BTN2A1: variants seen among roughly 807,000 people sequenced by gnomAD.
The protein encoded by BTN2A1 is butyrophilin, subfamily 2, member A1.
In BTN2A1, 41 loss-of-function variants were observed where a neutral mutation model predicts 34.5. That is an observed-to-expected ratio of 1.19 (90% CI 0.93 to 1.54). The LOEUF is 1.54. Ranked by LOEUF, BTN2A1 falls within the 40% of genes most tolerant of loss-of-function variation. The pLI, the probability that BTN2A1 is intolerant of heterozygous loss-of-function variation, is 0.00. For synonymous variants in BTN2A1, 267 were observed against 258.6 expected (o/e 1.03, Z -0.31); for missense variants, 642 against 662.0 (o/e 0.97, Z 0.33).
chr6:26,474,024 C>T (rs2113872311), downstream of BTN2A1, among the ~76,000 whole-genome samples: 1 of 152,286 alleles, frequency 6.6e-6, no homozygotes, highest in South Asian at 2.1e-4. Context: ...TTCCTTTATT[C>T]TGGATCAGAG....
Position 26,468,885 on chromosome 6 carries a change from T to G in BTN2A1, c.*336T>G. ...CAGGGTGACCACATTAAGCCCAGTA[T>G]TCCAGTTGGCACCAGAAGATATGGA... On this transcript the variant is annotated 3_prime_UTR_variant, in exon 8 of 8. Coordinates refer to ENST00000312541, the MANE Select transcript of BTN2A1 (RefSeq NM_007049.5). 2 of 1,373,394 alleles carry G rather than the reference T, an allele frequency of 1.5e-6. No individual in the cohort carries two copies. The highest frequency in any genetic ancestry group is 1.9e-6 in the Non-Finnish European group (2 of 1,044,184). 85.1% of individuals were successfully genotyped at this position (1,373,394 alleles called of 1,614,324 possible).
Position 26,468,258 on chromosome 6 carries a change from C to A in BTN2A1, c.1293C>A (p.Tyr431Ter), listed in dbSNP as rs748215931. 9.9e-6 allele frequency: 16 copies of A among 1,614,218 alleles called. No homozygotes were observed. Among genetic ancestry groups the A allele is most frequent in the Non-Finnish European group, 1.3e-5 (15 of 1,180,040 alleles). The change falls in exon 8 of 8, where the codon TAC becomes TAA. Residue 431 changes from tyrosine to a stop codon, truncating the protein, a stop_gained. Transcript: ENST00000312541. LOFTEE classifies it low-confidence loss of function (END_TRUNC). The stretch of plus-strand genomic sequence containing the variant: ...CCTTGGAGATGCATAAAGGGCAATA[C>A]CGGGCCGTGTCCTCCCCTGATAGGA... ...FWTLEMHKGQYRAVSSPDRIL... is the reference protein window; with the variant it reads ...FWTLEMHKGQ
intron 2 of BTN2A1, 51 bp downstream of exon 2, chr6:26,458,769 C>T (rs1238455768): frequency 6.3e-7 from 1 of 1,592,348 alleles, no homozygotes; most frequent in African/African-American, 1.3e-5. Flanking sequence ...GGAACATCAA[C>T]CCTGTAGTCT....
chr6:26,475,389 T>G (rs1376543280), intron 7 of BTN2A1, among the ~76,000 whole-genome samples: 1 of 152,184 alleles, frequency 6.6e-6, no homozygotes, highest in African/African-American at 2.4e-5. Flanking sequence ...CTTAATCACC[T>G]TAACAGCAAA....
In BTN2A1 at chr6:26,459,775, A is replaced by G. The variant is rs1763111814; in HGVS notation, c.377A>G (p.Tyr126Cys). The change falls in exon 3 of 8, where the codon TAC (tyrosine) becomes TGC (cysteine). Residue 126 changes from tyrosine to cysteine, a missense_variant. By Grantham distance (194) the Tyr-to-Cys change is radical. Transcript: ENST00000312541. ...CAGGAAAACGGCACCTACCGCTGTTACTTCCAAGAAGGCAGGTCCTACGAT... is the reference window on the plus strand; with the variant it reads ...CAGGAAAACGGCACCTACCGCTGTTGCTTCCAAGAAGGCAGGTCCTACGAT... ...TAQENGTYRCYFQEGRSYDEA... is the reference protein window; with the variant it reads ...TAQENGTYRCCFQEGRSYDEA... 6 of 1,614,050 alleles carry G rather than the reference A, an allele frequency of 3.7e-6. No individual in the cohort carries two copies. The South Asian group carries it at 4.4e-5, about 12-fold the overall frequency.
chr6:26,476,259 G>A, exon 8 of BTN2A1: 1 of 1,310,006 alleles, frequency 7.6e-7, no homozygotes, highest in Non-Finnish European at 1.1e-6. Flanking sequence ...ACTCCAAGTT[G>A]GAAAGAACTG....
chr6:26,465,659 T>C (rs535585745), intron 5 of BTN2A1, among the ~76,000 whole-genome samples: 1 of 152,256 alleles, frequency 6.6e-6, no homozygotes, highest in East Asian at 1.9e-4. Context: ...CTTGGAACTC[T>C]CATGTCCTTG....
Position 26,466,101 on chromosome 6 carries a change from G to C in BTN2A1, c.982+13G>C. ...TTCTTACATGCTGGTGAGTGCCTCTGATGTTCCCTCAGATCTCAGCTTTCT... is the reference window on the plus strand; with the variant it reads ...TTCTTACATGCTGGTGAGTGCCTCTCATGTTCCCTCAGATCTCAGCTTTCT... On this transcript the variant is annotated intron_variant, in intron 7 of 7. Coordinates refer to ENST00000312541, the MANE Select transcript of BTN2A1 (RefSeq NM_007049.5). 6.2e-7 allele frequency: 1 copy of C among 1,613,374 alleles called. No homozygotes were observed. The highest frequency in any genetic ancestry group is 8.5e-7 in the Non-Finnish European group (1 of 1,180,022).
intron 1 of BTN2A1, among the ~76,000 whole-genome samples, chr6:26,458,352 A>C (rs115937171): frequency 6.6e-5 from 10 of 152,302 alleles, no homozygotes; most frequent in Admixed American, 1.3e-4. Context: ...ATCCAGCGAC[A>C]ACTGAAGAAA....
intron 7 of BTN2A1, among the ~76,000 whole-genome samples, chr6:26,466,445 T>G (rs1763320048): frequency 6.6e-6 from 1 of 152,222 alleles, no homozygotes; most frequent in Non-Finnish European, 1.5e-5. Flanking sequence ...TCTTAGCAGC[T>G]TATATCCTGG....
downstream of BTN2A1, among the ~76,000 whole-genome samples, chr6:26,473,059 C>A (rs1017299240): frequency 1.3e-5 from 2 of 152,146 alleles, no homozygotes; most frequent in African/African-American, 4.8e-5. Flanking sequence ...GAAAGTGCAC[C>A]AAACAGGAAG....
chr6:26,471,763 T>C (rs1333459438), downstream of BTN2A1, among the ~76,000 whole-genome samples: 4 of 152,174 alleles, frequency 2.6e-5, no homozygotes, highest in Admixed American at 1.3e-4. Flanking sequence ...ACGGGAGTGG[T>C]ACAGAACCAA....
chr6:26,468,660 G>C lies in BTN2A1; in HGVS notation c.*111G>C. 6.2e-7 allele frequency: 1 copy of C among 1,613,726 alleles called. No individual in the cohort carries two copies. Among genetic ancestry groups the C allele is most frequent in the East Asian group, 2.2e-5 (1 of 44,884 alleles). On this transcript the variant is annotated 3_prime_UTR_variant, in exon 8 of 8. Coordinates refer to ENST00000312541, the MANE Select transcript of BTN2A1 (RefSeq NM_007049.5). ...CCTCCTCCCCTCTGGTCACACAAGA[G>C]AACATCTTCCAGCTGCCTCTTTCAC...
chr6:26,476,135 C>T (rs1473664058), exon 8 of BTN2A1: 1 of 1,536,096 alleles, frequency 6.5e-7, no homozygotes, highest in Non-Finnish European at 8.7e-7. Flanking sequence ...CAGTTTGAAG[C>T]TTTATATATC....
Position 26,463,459 on chromosome 6 carries a change from A to G in BTN2A1, c.646A>G (p.Asn216Asp). The change falls in exon 4 of 8, where the codon AAC becomes GAC. Residue 216 changes from asparagine to aspartate, a missense_variant. By Grantham distance (23) the Asn-to-Asp change is conservative. Coordinates refer to ENST00000312541, the MANE Select transcript of BTN2A1 (RefSeq NM_007049.5). ...GATCATCAGAGACAAGTCTGTGAGGAACATGTCCTGCTCTATCAACAACAC... is the reference window on the plus strand; with the variant it reads ...GATCATCAGAGACAAGTCTGTGAGGGACATGTCCTGCTCTATCAACAACAC... ...AVIIRDKSVR[N>D]MSCSINNTLL... 1 of 1,614,168 alleles carries G rather than the reference A, an allele frequency of 6.2e-7. No homozygotes were observed. Among genetic ancestry groups the G allele is most frequent in the South Asian group, 1.1e-5 (1 of 91,066 alleles).
At chr6:26,475,717 G>A (rs1440402980) in intron 7 of BTN2A1, among the ~76,000 whole-genome samples, 1 of 151,568 alleles carries the variant, frequency 6.6e-6, no homozygotes, top group East Asian at 1.9e-4. Context: ...AGATCAGACT[G>A]GGAAACATAG....
At chr6:26,470,465 A>G (rs930670370), downstream of BTN2A1, among the ~76,000 whole-genome samples, 3 of 133,092 alleles carry the variant, frequency 2.3e-5, no homozygotes, top group Admixed American at 2.7e-4. Flanking sequence ...TGTGATGGTT[A>G]ATTTTAGGTG....
In BTN2A1 at chr6:26,465,238, G is replaced by T; in HGVS notation, c.766G>T (p.Val256Phe). The T allele has an allele frequency of 1.9e-6, 3 of 1,614,112 alleles. No homozygotes were observed. The highest frequency in any genetic ancestry group is 2.5e-6 in the Non-Finnish European group (3 of 1,180,008). ...TGCAGTGGCCCTGCCTATCATTGTG[G>T]TTATTCTGATGATACCCATTGCCGT... ...PCAVALPIIV[V>F]ILMIPIAVCI... Residue 256 changes from valine (V) to phenylalanine (F), a missense_variant, in exon 5 of 8, where the codon GTT (valine) becomes TTT (phenylalanine). Physicochemically the swap from Val to Phe is conservative, Grantham distance 50 (BLOSUM62 -1). Transcript: ENST00000312541.
chr6:26,462,219 G>T (rs1763185012), intron 3 of BTN2A1, among the ~76,000 whole-genome samples: 1 of 152,152 alleles, frequency 6.6e-6, no homozygotes, highest in Admixed American at 6.5e-5. Flanking sequence ...CACTCTTATG[G>T]AAGATTCATT....
Sources: allele counts gnomAD v4.1 joint callset (sites outside exome capture counted in the v4.1 genomes callset), GRCh38; gene constraint gnomAD v4.1.1; transcripts MANE v1.5; gene names NCBI Gene and HGNC (gene_info 2026-07-23, HGNC 2026-07-21).